Variants in RSF1 observed in about 807,000 individuals in gnomAD.
RSF1 encodes the protein remodeling and spacing factor 1, also known as HBV pX-associated protein 8.
A neutral mutation model predicts 145.2 loss-of-function variants in RSF1; 13 were observed. That is an observed-to-expected ratio of 0.09 (90% CI 0.06 to 0.14). The LOEUF (loss-of-function observed/expected upper bound fraction) is 0.14, where lower values mean the gene tolerates loss of function less well. RSF1 is among the 10% of genes least tolerant of loss of function. RSF1 has a pLI of 1.00. For missense variants in RSF1, 1,517 were observed against 1,718.2 expected (o/e 0.88, Z 2.07); for synonymous variants, 577 against 592.6 (o/e 0.97, Z 0.38).
chr11:77,747,983 G>A (rs758016215), intron 2 of RSF1, among the ~76,000 whole-genome samples: 2 of 152,102 alleles, frequency 1.3e-5, no homozygotes, highest in African/African-American at 2.4e-5. Flanking sequence ...CATAACGAGG[G>A]CCAAAGGAGA....
chr11:77,751,892 G>C (rs1018711458), intron 2 of RSF1, among the ~76,000 whole-genome samples: 1 of 152,140 alleles, frequency 6.6e-6, no homozygotes, highest in Non-Finnish European at 1.5e-5. Flanking sequence ...TTTCACAAGA[G>C]GAATCCTTGG....
At chr11:77,752,233 G>A (rs1377202507) in intron 2 of RSF1, among the ~76,000 whole-genome samples, 2 of 152,216 alleles carry the variant, frequency 1.3e-5, no homozygotes, top group African/African-American at 4.8e-5. Flanking sequence ...AGGTTGCAAG[G>A]TGGAATGCTG....
intron 4 of RSF1, chr11:77,739,455 T>G (rs781678141): frequency 5.9e-5 from 9 of 152,260 alleles, no homozygotes; most frequent in Non-Finnish European, 1.0e-4. Flanking sequence ...TAGGACTACT[T>G]TGTTCACCTC....
At chr11:77,837,168 C>G in the RSF1 span, among the ~76,000 whole-genome samples, 1 of 152,156 alleles carries the variant, frequency 6.6e-6, no homozygotes, top group Non-Finnish European at 1.5e-5. Flanking sequence ...CGTAGTCTCG[C>G]TCTGTCACCC....
the RSF1 span, among the ~76,000 whole-genome samples, chr11:77,838,245 G>A: frequency 1.3e-4 from 18 of 143,206 alleles, no homozygotes; most frequent in African/African-American, 3.0e-4. Flanking sequence ...ATGTGTCAAC[G>A]TGGTAAGGTT....
At chr11:77,841,092 T>G in the RSF1 span, 1 of 669,596 alleles carries the variant, frequency 1.5e-6, no homozygotes, top group Non-Finnish European at 2.7e-6. Context: ...CATCCTATAG[T>G]GGAAGTCATC....
At chr11:77,820,733 G>A (rs1237627797), upstream of RSF1, 1 of 1,539,702 alleles carries the variant, frequency 6.5e-7, no homozygotes, top group Non-Finnish European at 8.8e-7. Context: ...GGAGGATGGA[G>A]GAGGAGGCGA....
intron 15 of RSF1, among the ~76,000 whole-genome samples, chr11:77,670,055 G>C (rs769958955): frequency 1.7e-4 from 26 of 152,236 alleles, no homozygotes; most frequent in Non-Finnish European, 3.7e-4. Flanking sequence ...GAGCACAGCA[G>C]ATTGAGGCTA....
intron 5 of RSF1, 72 bp from the exon 6 acceptor site, chr11:77,702,567 T>C (rs949487627): frequency 1.1e-6 from 1 of 923,394 alleles, no homozygotes. Flanking sequence ...CTTAGTATAA[T>C]GTATATTTCC....
At chr11:77,868,484 G>A in the RSF1 span, among the ~76,000 whole-genome samples, 9 of 149,692 alleles carry the variant, frequency 6.0e-5, no homozygotes, top group East Asian at 8.0e-4. Context: ...TCAGCCTCCC[G>A]AATAGCTGGG....
At chr11:77,803,635 C>A (rs1006673871) in intron 1 of RSF1, among the ~76,000 whole-genome samples, 1 of 151,462 alleles carries the variant, frequency 6.6e-6, no homozygotes, top group Non-Finnish European at 1.5e-5. Flanking sequence ...AAAAATTAGC[C>A]GGGCATGGTG....
chr11:77,770,411 T>C (rs566910212), intron 1 of RSF1, among the ~76,000 whole-genome samples: 4 of 152,304 alleles, frequency 2.6e-5, no homozygotes, highest in Admixed American at 2.0e-4. Flanking sequence ...GCCCAGATCG[T>C]GCCACTGCAC....
At chr11:77,738,422 T>C (rs992568302) in intron 4 of RSF1, among the ~76,000 whole-genome samples, 2 of 152,200 alleles carry the variant, frequency 1.3e-5, no homozygotes, top group Admixed American at 6.5e-5. Context: ...ATACCTAGCA[T>C]TTACAATGCA....
the RSF1 span, chr11:77,841,285 C>T: frequency 1.4e-6 from 1 of 701,156 alleles, no homozygotes; most frequent in Non-Finnish European, 2.6e-6. Context: ...TGGAAGGGTG[C>T]AGACATTCAA....
chr11:77,801,901 C>T (rs553628095), intron 1 of RSF1, among the ~76,000 whole-genome samples: 13 of 151,820 alleles, frequency 8.6e-5, no homozygotes, highest in African/African-American at 2.9e-4. Context: ...CATGGTAGCT[C>T]ATGACTGTAA....
At chr11:77,788,436 T>A (rs951942360) in intron 1 of RSF1, among the ~76,000 whole-genome samples, 2 of 145,818 alleles carry the variant, frequency 1.4e-5, no homozygotes, top group African/African-American at 5.1e-5. Flanking sequence ...CAAACAAAAA[T>A]TCTAGAAAGG....
chr11:77,810,758 C>T (rs1019303839), intron 1 of RSF1, among the ~76,000 whole-genome samples: 1 of 152,106 alleles, frequency 6.6e-6, no homozygotes, highest in Admixed American at 6.6e-5. Context: ...CAGGTTTCAC[C>T]ATGTTGGCGA....
chr11:77,697,703 G>T (rs1960316533), intron 7 of RSF1, among the ~76,000 whole-genome samples: 1 of 150,988 alleles, frequency 6.6e-6, no homozygotes, highest in African/African-American at 2.4e-5. Context: ...AATTTTTTAT[G>T]TTAAAAAAAT....
chr11:77,678,971 C>T (rs1201369914), intron 11 of RSF1, among the ~76,000 whole-genome samples: 1 of 152,142 alleles, frequency 6.6e-6, no homozygotes, highest in East Asian at 1.9e-4. Context: ...CTGATAGCAG[C>T]CAAATTAGAC....
Sources: allele counts gnomAD v4.1 joint callset (sites outside exome capture counted in the v4.1 genomes callset), GRCh38; gene constraint gnomAD v4.1.1; transcripts MANE v1.5; gene names NCBI Gene and HGNC (gene_info 2026-07-23, HGNC 2026-07-21).